The following TTN variants were observed in gnomAD, a reference collection of about 807,000 sequenced individuals.
TTN encodes connectin.
A neutral mutation model predicts 3,223.0 loss-of-function variants in TTN; 1,525 were observed. The ratio of observed to expected loss-of-function variants is 0.47; its 90% confidence interval spans 0.45 to 0.49. The LOEUF (loss-of-function observed/expected upper bound fraction) is 0.49, where lower values mean the gene tolerates loss of function less well. Among genes scored for constraint, TTN ranks in the 20% least tolerant of loss-of-function variants. The pLI, the probability that TTN is intolerant of heterozygous loss-of-function variation, is 0.00. For missense variants in TTN, 40,786 were observed against 43,424.0 expected, an observed-to-expected ratio of 0.94 and a Z score of 5.40; for synonymous variants, 14,094 against 15,161.0, an observed-to-expected ratio of 0.93 and a Z score of 5.17.
In TTN at chr2:178,584,582, G is replaced by C. The variant is rs369934310; in HGVS notation, c.64973-4C>G. ...TTCTTTGGTTCACTAGGAACACCTGGAGATGAAGACAAGGAAGATGTCAGT... is the reference window on the plus strand; with the variant it reads ...TTCTTTGGTTCACTAGGAACACCTGCAGATGAAGACAAGGAAGATGTCAGT... On this transcript the variant is annotated splice_region_variant and splice_polypyrimidine_tract_variant and intron_variant, in intron 310 of 362. Coordinates refer to ENST00000589042, the MANE Select transcript of TTN (RefSeq NM_001267550.2). 64 of 1,611,260 alleles carry C rather than the reference G, an allele frequency of 4.0e-5. No homozygotes were observed. Among genetic ancestry groups the C allele is most frequent in the Non-Finnish European group, 4.6e-5 (54 of 1,178,506 alleles).
rs1559039438 is a variant in TTN at position 178,534,622 on chromosome 2, A to G, written c.101993T>C (p.Met33998Thr). The G allele has an allele frequency of 6.2e-7, 1 of 1,613,784 alleles. No homozygotes were observed. The highest frequency in any genetic ancestry group is 8.5e-7 in the Non-Finnish European group (1 of 1,179,700). The stretch of plus-strand genomic sequence containing the variant: ...ATATACCAGTGTTCCAAGTGACCAC[A>G]TGTCTGTGGCTGTGCTGACAACATC... ...QHDVVSTATD[M>T]WSLGTLVYVL... is the part of the protein sequence containing the mutation. Residue 33998 changes from methionine to threonine, a missense_variant, in exon 358 of 363, where the codon ATG becomes ACG. Physicochemically the swap from Met to Thr is moderately conservative, Grantham distance 81. Transcript: ENST00000589042.
chr2:178,757,625 TC>T lies in TTN; in HGVS notation c.10594del (p.Glu3532SerfsTer25). The T allele has an allele frequency of 6.2e-7, 1 of 1,613,628 alleles. No homozygotes were observed. Among genetic ancestry groups the T allele is most frequent in the Non-Finnish European group, 8.5e-7 (1 of 1,179,648 alleles). On this transcript the variant is annotated frameshift_variant, in exon 45 of 363. Transcript: ENST00000589042. LOFTEE classifies it high-confidence loss of function. ...ALMLIVDAYS[E>X]HAGQYSCKAA... ...TTTGCAAGAGTACTGCCCAGCATGC[TC>T]TGAGTAAGCATCAACTATAAGCATT...
Position 178,663,895 on chromosome 2 carries a change from T to C in TTN, c.36372A>G (p.Glu12124=). 1 of 1,613,324 alleles carries C rather than the reference T, an allele frequency of 6.2e-7. No individual in the cohort carries two copies. Among genetic ancestry groups the C allele is most frequent in the East Asian group, 2.2e-5 (1 of 44,862 alleles). ...CTTCGCGGATAACCTCTTTGGAAGC[T>C]TCTGGCACTTGAAAGATATTAGTGA... ...KPEVPPVKVP[E]ASKEVIREEK... is the part of the protein sequence containing the mutation. The change falls in exon 170 of 363, where the codon GAA becomes GAG. Residue 12124 remains glutamate, a synonymous_variant. Coordinates refer to ENST00000589042, the MANE Select transcript of TTN (RefSeq NM_001267550.2).
rs769296240 is a variant in TTN at position 178,773,861 on chromosome 2, G to A, written c.7307C>T (p.Thr2436Ile). The change falls in exon 31 of 363, where the codon ACC becomes ATC. Residue 2436 changes from threonine (T) to isoleucine (I), a missense_variant. Transcript: ENST00000589042. ...ACTATAGACAGAGACACGCCCACTG[G>A]TGGAGAGGCCAAGGGCTGGAATGGT... ...SFTIPALGLS[T>I]SGRVSVYSVD... 1.9e-6 allele frequency: 3 copies of A among 1,614,098 alleles called. No individual in the cohort carries two copies. The highest frequency in any genetic ancestry group is 8.5e-7 in the Non-Finnish European group (1 of 1,179,980).
At chr2:178,649,112 C>T (rs1471066746) in intron 213 of TTN, 136 bp downstream of exon 213, 5 of 656,656 alleles carry the variant, frequency 7.6e-6, no homozygotes, top group East Asian at 6.6e-5. Flanking sequence ...TCATTTTTTT[C>T]CCTTCATTAT....
intron 242 of TTN, 71 bp from the exon 243 acceptor site, chr2:178,622,838 A>G: frequency 8.5e-7 from 1 of 1,183,250 alleles, no homozygotes; most frequent in East Asian, 2.6e-5. Flanking sequence ...CATAGTATAC[A>G]TTAAGAAAAA....
In TTN at chr2:178,551,167, A is replaced by G. The variant is rs1281249484; in HGVS notation, c.91364T>C (p.Val30455Ala). 2.5e-6 allele frequency: 4 copies of G among 1,613,486 alleles called. No individual in the cohort carries two copies. Among genetic ancestry groups the G allele is most frequent in the Non-Finnish European group, 3.4e-6 (4 of 1,179,680 alleles). Reference sequence around the variant, plus strand: ...TTGCCGTTTCTCAATGCTATAGCCCACAATCTTACTGCCTCCATCACGCAA... The same window carrying G: ...TTGCCGTTTCTCAATGCTATAGCCCGCAATCTTACTGCCTCCATCACGCAA... Reference protein sequence around the residue: ...PPLRDGGSKIVGYSIEKRQGN... With the variant: ...PPLRDGGSKIAGYSIEKRQGN... The change falls in exon 336 of 363, where the codon GTG (valine) becomes GCG (alanine). Residue 30455 changes from valine (V) to alanine (A), a missense_variant. Val to Ala is a moderately conservative substitution (Grantham distance 64). Transcript: ENST00000589042.
chr2:178,665,253 A>G (rs1439807551), intron 165 of TTN, 124 bp downstream of exon 165: 4 of 981,910 alleles, frequency 4.1e-6, no homozygotes, highest in Non-Finnish European at 6.1e-6. Context: ...GTGGAACCTC[A>G]GACACTTAAA....
In TTN at chr2:178,770,482, G is replaced by A; in HGVS notation, c.8310C>T (p.Ala2770=). The change falls in exon 35 of 363, where the codon GCC becomes GCT. Residue 2770 remains alanine (A), a synonymous_variant. Coordinates refer to ENST00000589042, the MANE Select transcript of TTN (RefSeq NM_001267550.2). ...TIYSLRIKNC[A]IVDESVYGFR... is the part of the protein sequence containing the mutation. ...AGCCATAAACAGACTCATCCACGAT[G>A]GCACAGTTTTTAATCCTCAGAGAGT... 6.2e-7 allele frequency: 1 copy of A among 1,614,098 alleles called. No homozygotes were observed. The highest frequency in any genetic ancestry group is 8.5e-7 in the Non-Finnish European group (1 of 1,180,006).
intron 260 of TTN, 29 bp downstream of exon 260, chr2:178,614,818 T>C: frequency 1.9e-6 from 3 of 1,585,346 alleles, no homozygotes; most frequent in East Asian, 2.3e-5. Context: ...AGAGGCCTAT[T>C]TGATAAGACA....
intron 216 of TTN, 77 bp from the exon 217 acceptor site, chr2:178,646,107 TATATATATATATATATATATATATA>T (rs2061922935): frequency 3.5e-5 from 3 of 85,294 alleles, no homozygotes. Context: ...ATAGAAATTA[TATATATATATATATATATATATATA>T]TATATATATA....
rs747614888 is a variant in TTN, at chr2:178,619,651, T to C, written c.46666A>G (p.Lys15556Glu). 14 of 1,611,906 alleles carry C rather than the reference T, an allele frequency of 8.7e-6. No individual in the cohort carries two copies. Among genetic ancestry groups the C allele is most frequent in the Non-Finnish European group, 1.2e-5 (14 of 1,178,774 alleles). Residue 15556 changes from lysine (K) to glutamate (E), a missense_variant, in exon 250 of 363, where the codon AAA becomes GAA. By Grantham distance (56) the Lys-to-Glu change is moderately conservative. Transcript: ENST00000589042. ...QGEYRFIAKD[K>E]EARAKLELAA... ...AGTTCAAGCTTAGCTCTGGCTTCTT[T>C]GTCTTTGGCAATAAATCTGTATTCA...
chr2:178,747,302 C>T (rs780927884), intron 47 of TTN: 1 of 1,613,226 alleles, frequency 6.2e-7, no homozygotes, highest in Non-Finnish European at 8.5e-7. Context: ...AGCAACTTCC[C>T]CTAAAGGTGT....
rs563954136 is a variant in TTN at position 178,712,199 on chromosome 2, A to G, written c.27631T>C (p.Leu9211=). Residue 9211 remains leucine, a synonymous_variant, in exon 96 of 363, where the codon TTG becomes CTG. Transcript: ENST00000589042. ...ILEPPYFVKQ[L]EPVKVSVGDS... is the part of the protein sequence containing the mutation. ...CCAACAGACACCTTAACCGGCTCCAACTGCTTGACAAAATACGGTGGTTCT... is the reference window on the plus strand; with the variant it reads ...CCAACAGACACCTTAACCGGCTCCAGCTGCTTGACAAAATACGGTGGTTCT... 21 of 1,613,416 alleles carry G rather than the reference A, an allele frequency of 1.3e-5. No individual in the cohort carries two copies. In the African/African-American group the frequency reaches 2.1e-4, roughly 16 times the overall value.
Position 178,620,533 on chromosome 2 carries a change from C to A in TTN, c.45988G>T (p.Val15330Leu), listed in dbSNP as rs1476334999. The change falls in exon 248 of 363, where the codon GTA becomes TTA. Residue 15330 changes from valine to leucine, a missense_variant. By Grantham distance (32) the Val-to-Leu change is conservative. Transcript: ENST00000589042. ...CCATTTTTGGTCCACTTCAGTGTTA[C>A]ATTGAGACGATTCACCTTGCACCAG... is the stretch of plus-strand genomic sequence containing the variant. ...TFWCKVNRLN[V>L]TLKWTKNGEE... 1 of 1,612,274 alleles carries A rather than the reference C, an allele frequency of 6.2e-7. No individual in the cohort carries two copies. The highest frequency in any genetic ancestry group is 2.2e-5 in the East Asian group (1 of 44,666).
Position 178,534,462 on chromosome 2 carries a change from G to A in TTN, c.102153C>T (p.Asp34051=), listed in dbSNP as rs1305318274. The A allele has an allele frequency of 2.5e-6, 4 of 1,613,330 alleles. No individual in the cohort carries two copies. Among genetic ancestry groups the A allele is most frequent in the Non-Finnish European group, 3.4e-6 (4 of 1,179,798 alleles). ...ATTTCCTCTCTTTCACTAACAACCG[G>A]TCAACAAAATCCATGGCTTCAATGC... is the stretch of plus-strand genomic sequence containing the variant. ...EISIEAMDFV[D]RLLVKERKSR... Residue 34051 remains aspartate (D), a synonymous_variant, in exon 358 of 363, where the codon GAC becomes GAT. Transcript: ENST00000589042.
chr2:178,713,412 A>G, intron 92 of TTN, 40 bp from the exon 93 acceptor site: 1 of 1,456,686 alleles, frequency 6.9e-7, no homozygotes, highest in Non-Finnish European at 9.0e-7. Context: ...ACAAAACAAA[A>G]AAAACAAAGG....
chr2:178,614,327 G>A lies in TTN; in HGVS notation c.49070C>T (p.Ala16357Val), dbSNP rs199768159. 1.7e-5 allele frequency: 28 copies of A among 1,612,438 alleles called. No homozygotes were observed. In the African/African-American group the frequency reaches 2.3e-4, roughly 13 times the overall value. ...ATTGGTTACATCTGTGATGTCAAAGGCAGCTGGTGGTCCGGGTTTATCTGT... is the reference window on the plus strand; with the variant it reads ...ATTGGTTACATCTGTGATGTCAAAGACAGCTGGTGGTCCGGGTTTATCTGT... ...NVLDKPGPPA[A>V]FDITDVTNES... The change falls in exon 262 of 363, where the codon GCC becomes GTC. Residue 16357 changes from alanine to valine, a missense_variant. Transcript: ENST00000589042.
In TTN at chr2:178,740,694, T is replaced by A. The variant is rs1196363476; in HGVS notation, c.12539A>T (p.Asp4180Val). ...EEPETQAVLSDTEKIFPSAMS... is the reference protein window; with the variant it reads ...EEPETQAVLSVTEKIFPSAMS... ...GGCACTTGGGAAGATTTTCTCGGTA[T>A]CTGATAGAACTGCCTGTGTCTCAGG... Residue 4180 changes from aspartate to valine, a missense_variant, in exon 48 of 363, where the codon GAT becomes GTT. Physicochemically the swap from Asp to Val is radical, Grantham distance 152. Transcript: ENST00000589042. 7 of 1,613,906 alleles carry A rather than the reference T, an allele frequency of 4.3e-6. No individual in the cohort carries two copies. The highest frequency in any genetic ancestry group is 5.9e-6 in the Non-Finnish European group (7 of 1,179,816).
Sources: allele counts gnomAD v4.1 joint callset, GRCh38; gene constraint gnomAD v4.1.1; transcripts MANE v1.5; gene names NCBI Gene and HGNC (gene_info 2026-07-23, HGNC 2026-07-21).